The following AHCYL2 variants were observed in gnomAD, a reference collection of about 807,000 sequenced individuals.
AHCYL2 encodes S-adenosylhomocysteine hydrolase-like protein 2.
AHCYL2 carries 28 observed loss-of-function variants against 81.4 expected under a neutral mutation model. The observed-to-expected ratio is 0.34, with a 90% CI of 0.25 to 0.47. The LOEUF is 0.47. Ranked by LOEUF, AHCYL2 falls within the 20% of genes least tolerant of loss-of-function variation. The pLI is 1.00. For missense variants in AHCYL2, 551 were observed against 785.1 expected, an observed-to-expected ratio of 0.70 and a Z score of 3.56; for synonymous variants, 272 against 290.2, an observed-to-expected ratio of 0.94 and a Z score of 0.64.
In AHCYL2 at chr7:129,403,449, A is replaced by T; in HGVS notation, c.989A>T (p.Lys330Met). 6.2e-7 allele frequency: 1 copy of T among 1,611,562 alleles called. No homozygotes were observed. Among genetic ancestry groups the T allele is most frequent in the Non-Finnish European group, 8.5e-7 (1 of 1,178,678 alleles). Residue 330 changes from lysine to methionine, a missense_variant, in exon 7 of 17, where the codon AAG becomes ATG. Lys to Met is a moderately conservative substitution (Grantham distance 95, BLOSUM62 -1). Transcript: ENST00000325006. ...TATCCCAACATGTTTAAGAAAATCA[A>T]GGGCATAGTAGAGGAGAGTGTTACT... ...KKYPNMFKKIKGIVEESVTGV... is the reference protein window; with the variant it reads ...KKYPNMFKKIMGIVEESVTGV...
intron 1 of AHCYL2, among the ~76,000 whole-genome samples, chr7:129,301,573 G>T (rs1797257487): frequency 6.6e-6 from 1 of 152,122 alleles, no homozygotes; most frequent in Non-Finnish European, 1.5e-5. Flanking sequence ...TTATTCTTCT[G>T]CATATGGATA....
At chr7:129,413,490 C>A in intron 11 of AHCYL2, 104 bp from the exon 12 acceptor site, 1 of 941,734 alleles carries the variant, frequency 1.1e-6, no homozygotes, top group South Asian at 1.4e-5. Context: ...TGTAAGAATT[C>A]CTTATAACAA....
chr7:129,383,525 C>T (rs1286164792), intron 2 of AHCYL2, among the ~76,000 whole-genome samples: 1 of 152,146 alleles, frequency 6.6e-6, no homozygotes, highest in Admixed American at 6.6e-5. Context: ...TACCCATCTT[C>T]AGTCTATTCT....
intron 1 of AHCYL2, among the ~76,000 whole-genome samples, chr7:129,238,357 C>A (rs1584690791): frequency 6.6e-6 from 1 of 152,116 alleles, no homozygotes; most frequent in African/African-American, 2.4e-5. Flanking sequence ...ATGACCGATG[C>A]TAGACTGTAT....
chr7:129,339,656 C>G (rs1238329595), intron 1 of AHCYL2, among the ~76,000 whole-genome samples: 1 of 151,374 alleles, frequency 6.6e-6, no homozygotes, highest in Non-Finnish European at 1.5e-5. Context: ...TTCAGCCTCT[C>G]TGGTAGCTAG....
intron 1 of AHCYL2, among the ~76,000 whole-genome samples, chr7:129,291,896 C>T (rs186669529): frequency 1.2e-4 from 19 of 152,148 alleles, no homozygotes; most frequent in Admixed American, 2.6e-4. Flanking sequence ...TGAGCCACTG[C>T]GCCCGGCCCA....
chr7:129,283,965 A>G (rs914812582), intron 1 of AHCYL2, among the ~76,000 whole-genome samples: 1 of 152,208 alleles, frequency 6.6e-6, no homozygotes, highest in African/African-American at 2.4e-5. Flanking sequence ...AAAAATTTTA[A>G]TATCTTTAAA....
At chr7:129,254,381 C>T (rs971968287) in intron 1 of AHCYL2, among the ~76,000 whole-genome samples, 2 of 152,122 alleles carry the variant, frequency 1.3e-5, no homozygotes, top group Admixed American at 6.5e-5. Flanking sequence ...ACCTTTCAAA[C>T]CAGTAATATC....
intron 1 of AHCYL2, among the ~76,000 whole-genome samples, chr7:129,372,305 A>G (rs1043447912): frequency 1.3e-5 from 2 of 152,218 alleles, no homozygotes; most frequent in Non-Finnish European, 2.9e-5. Flanking sequence ...GTAGAGACAC[A>G]GATACATCCT....
chr7:129,405,548 GGTTA>G (rs1389641557), intron 8 of AHCYL2: 3 of 393,050 alleles, frequency 7.6e-6, no homozygotes, highest in African/African-American at 6.2e-5. Flanking sequence ...ATATAGGATT[GGTTA>G]GATGGCAGGG....
intron 2 of AHCYL2, among the ~76,000 whole-genome samples, chr7:129,381,471 T>C (rs1216153216): frequency 1.3e-5 from 2 of 152,208 alleles, no homozygotes; most frequent in Non-Finnish European, 2.9e-5. Context: ...TAGATTAAAC[T>C]ATATGAAATT....
chr7:129,424,633 G>A (rs1797275322), intron 13 of AHCYL2: 1 of 569,392 alleles, frequency 1.8e-6, no homozygotes, highest in African/African-American at 1.9e-5. Flanking sequence ...ATGACCATCT[G>A]TATTCCTTTT....
At chr7:129,365,507 T>C (rs1794077444) in intron 1 of AHCYL2, among the ~76,000 whole-genome samples, 1 of 151,992 alleles carries the variant, frequency 6.6e-6, no homozygotes, top group Non-Finnish European at 1.5e-5. Context: ...GTCAAGTAAG[T>C]GGCAGAGGCA....
At position 129,365,480 on chromosome 7, in the gene AHCYL2, T is replaced by G. The variant is rs74866078; in HGVS notation, c.364-14158T>G. On this transcript the variant is annotated intron_variant, in intron 1 of 16. Transcript: ENST00000325006. ...TATTTCCACCATACAAATTGGAAAT[T>G]GGAGTTATATAGAGAGGTCAAGTAA... Among the ~76,000 whole-genome samples the G allele has an allele frequency of 6.0e-4, 92 of 152,116 alleles. 2 individuals are homozygous for G. In the East Asian group the frequency reaches 0.016, roughly 27 times the overall value.
intron 1 of AHCYL2, among the ~76,000 whole-genome samples, chr7:129,256,542 A>ACCC (rs1228915009): frequency 1.3e-3 from 77 of 58,468 alleles, no homozygotes; most frequent in African/African-American, 2.7e-3. Flanking sequence ...CCCGCCCCCC[A>ACCC]CCCCCCACCC....
At chr7:129,333,565 C>T (rs1042516793) in intron 1 of AHCYL2, among the ~76,000 whole-genome samples, 9 of 151,918 alleles carry the variant, frequency 5.9e-5, no homozygotes, top group South Asian at 2.1e-4. Context: ...AGAGGTAATA[C>T]GTTATTATGA....
chr7:129,403,483 C>T lies in AHCYL2; in HGVS notation c.1023C>T (p.His341=), dbSNP rs1457030706. 92 of 1,598,218 alleles carry T rather than the reference C, an allele frequency of 5.8e-5. No homozygotes were observed. Among genetic ancestry groups the T allele is most frequent in the Non-Finnish European group, 6.8e-5 (80 of 1,171,084 alleles). Residue 341 remains histidine (H), a splice_region_variant and synonymous_variant, in exon 7 of 17, where the codon CAC becomes CAT. Coordinates refer to ENST00000325006, the MANE Select transcript of AHCYL2 (RefSeq NM_015328.4). The part of the protein sequence containing the change: ...GIVEESVTGV[H]RLYQLSKAGK... The stretch of plus-strand genomic sequence containing the variant: ...TAGAGGAGAGTGTTACTGGAGTTCA[C>T]AGGTAAGATTTGACATGGGCATACC...
chr7:129,348,485 AG>A (rs1376642572), intron 1 of AHCYL2, among the ~76,000 whole-genome samples: 3 of 152,168 alleles, frequency 2.0e-5, no homozygotes, highest in African/African-American at 7.2e-5. Context: ...GAGGATATTC[AG>A]GTGCTGAAGG....
chr7:129,285,202 A>G (rs1027001798), intron 1 of AHCYL2, among the ~76,000 whole-genome samples: 3 of 152,290 alleles, frequency 2.0e-5, no homozygotes, highest in South Asian at 2.1e-4. Context: ...GTGTGGATGT[A>G]TGGATGTATT....
Sources: gnomAD v4.1 joint callset for allele counts (sites outside exome capture counted in the v4.1 genomes callset) on GRCh38, gnomAD v4.1.1 for gene constraint, MANE v1.5 for transcripts, NCBI Gene and HGNC (gene_info 2026-07-23, HGNC 2026-07-21) for gene names.